SLC8A1: variants seen among roughly 807,000 people sequenced by gnomAD.
SLC8A1 encodes the protein solute carrier family 8 member A1, also known as sodium/calcium exchanger 1.
In SLC8A1, 18 loss-of-function variants were observed where a neutral mutation model predicts 68.3. The observed-to-expected ratio is 0.26, with a 90% CI of 0.18 to 0.39. The LOEUF (loss-of-function observed/expected upper bound fraction) is 0.39. SLC8A1 is among the 10% of genes least tolerant of loss of function. The pLI, the probability that SLC8A1 is intolerant of heterozygous loss-of-function variation, is 1.00. For missense variants in SLC8A1, 985 were observed against 1,156.7 expected (o/e 0.85, Z 2.15); for synonymous variants, 475 against 415.5 (o/e 1.14, Z -1.74).
chr2:40,155,429 C>G (rs1450930371), intron 6 of SLC8A1, among the ~76,000 whole-genome samples: 1 of 152,096 alleles, frequency 6.6e-6, no homozygotes, highest in Non-Finnish European at 1.5e-5. Flanking sequence ...GTGCCTGGCC[C>G]TAGCAGAATT....
At chr2:40,428,598 C>T (rs1281209869) in exon 2 of SLC8A1, 2 of 1,613,838 alleles carry the variant, frequency 1.2e-6, no homozygotes, top group Admixed American at 1.7e-5. Flanking sequence ...CAGATGTTCT[C>T]AATACTTTCA....
intron 2 of SLC8A1, among the ~76,000 whole-genome samples, chr2:40,420,382 A>G (rs948613746): frequency 6.6e-6 from 1 of 151,764 alleles, no homozygotes; most frequent in African/African-American, 2.4e-5. Context: ...ACAGACCAAG[A>G]AACTGCTATT....
chr2:40,175,324 A>AGAT (rs755540314), intron 3 of SLC8A1, 43 bp from the exon 4 acceptor site: 1 of 1,592,234 alleles, frequency 6.3e-7, no homozygotes, highest in South Asian at 1.1e-5. Flanking sequence ...ATAAGAGACC[A>AGAT]GATGAATAAT....
chr2:40,508,625 C>A (rs71441105), intron 1 of SLC8A1, among the ~76,000 whole-genome samples: 1 of 151,986 alleles, frequency 6.6e-6, no homozygotes, highest in Non-Finnish European at 1.5e-5. Context: ...ACATATCAAT[C>A]CTTTATTATA....
intron 2 of SLC8A1, among the ~76,000 whole-genome samples, chr2:40,349,064 G>A (rs1353568728): frequency 1.3e-5 from 2 of 152,148 alleles, no homozygotes; most frequent in Non-Finnish European, 2.9e-5. Flanking sequence ...AGCTTCAAGG[G>A]CTTCCTAGAC....
intron 1 of SLC8A1, among the ~76,000 whole-genome samples, chr2:40,444,760 T>C (rs898649990): frequency 1.3e-5 from 2 of 152,248 alleles, no homozygotes; most frequent in Admixed American, 1.3e-4. Flanking sequence ...TAACATTTTA[T>C]GGAACACAGC....
chr2:40,446,367 A>C (rs1701447001), intron 1 of SLC8A1: 1 of 152,182 alleles, frequency 6.6e-6, no homozygotes, highest in South Asian at 2.1e-4. Context: ...GGGACACAGA[A>C]CGGAATGAAA....
intron 2 of SLC8A1, among the ~76,000 whole-genome samples, chr2:40,203,665 T>TG (rs1472769812): frequency 1.3e-5 from 2 of 151,878 alleles, no homozygotes; most frequent in African/African-American, 4.8e-5. Context: ...TGCTAAAGGT[T>TG]GGGGGGATTA....
At chr2:40,233,675 C>T (rs1308436512) in intron 2 of SLC8A1, among the ~76,000 whole-genome samples, 1 of 143,468 alleles carries the variant, frequency 7.0e-6, no homozygotes, top group East Asian at 1.9e-4. Context: ...TTTGCCCATG[C>T]CTATGTCCTG....
At chr2:40,269,344 C>A (rs1279010972) in intron 2 of SLC8A1, among the ~76,000 whole-genome samples, 1 of 152,132 alleles carries the variant, frequency 6.6e-6, no homozygotes, top group Non-Finnish European at 1.5e-5. Context: ...CAGTACACTG[C>A]TTATTAGAAA....
At chr2:40,425,981 T>C (rs1696752706) in intron 2 of SLC8A1, among the ~76,000 whole-genome samples, 1 of 151,878 alleles carries the variant, frequency 6.6e-6, no homozygotes, top group African/African-American at 2.4e-5. Context: ...CAACATATCT[T>C]TGATAATATG....
chr2:40,183,027 C>T (rs1025822600), intron 2 of SLC8A1, among the ~76,000 whole-genome samples: 4 of 152,194 alleles, frequency 2.6e-5, no homozygotes, highest in African/African-American at 9.6e-5. Flanking sequence ...GGTTTACCCT[C>T]TCCTTAGATA....
At chr2:40,444,442 T>A (rs1490418513) in intron 1 of SLC8A1, among the ~76,000 whole-genome samples, 2 of 152,128 alleles carry the variant, frequency 1.3e-5, no homozygotes, top group African/African-American at 4.8e-5. Context: ...AACCCAAATA[T>A]CTCAGAAGTG....
At chr2:40,377,676 T>C (rs757953894) in intron 2 of SLC8A1, among the ~76,000 whole-genome samples, 8 of 152,052 alleles carry the variant, frequency 5.3e-5, no homozygotes, top group Non-Finnish European at 1.0e-4. Context: ...TCCACATACC[T>C]GGTCTTAGTC....
chr2:40,104,722 T>C (rs2034091830), exon 8 of SLC8A1: 1 of 152,180 alleles, frequency 6.6e-6, no homozygotes, highest in Non-Finnish European at 1.5e-5. Flanking sequence ...TTGCACAAAA[T>C]AAATGCTTGA....
In SLC8A1 at chr2:40,342,834, G is replaced by A. The variant is rs138842281; in HGVS notation, c.1808+85639C>T. Reference sequence around the variant, plus strand: ...TAAACAGATCACTCACTGCAAATATGAACAAACGTGAACTAAAATAGAGTA... The same window carrying A: ...TAAACAGATCACTCACTGCAAATATAAACAAACGTGAACTAAAATAGAGTA... On this transcript the variant is annotated intron_variant, in intron 2 of 7. Coordinates refer to ENST00000406785, the Ensembl canonical transcript of SLC8A1. Among the ~76,000 whole-genome samples, 9 of 152,232 alleles carry A rather than the reference G, an allele frequency of 5.9e-5. No homozygotes were observed. In the East Asian group the frequency reaches 1.5e-3, roughly 26 times the overall value.
intron 2 of SLC8A1, among the ~76,000 whole-genome samples, chr2:40,197,977 C>T (rs1244708370): frequency 6.6e-6 from 1 of 151,876 alleles, no homozygotes; most frequent in African/African-American, 2.4e-5. Context: ...GTTCTGGCAG[C>T]TCCCTATAGC....
intron 6 of SLC8A1, among the ~76,000 whole-genome samples, chr2:40,143,716 G>C (rs1457617174): frequency 6.6e-6 from 1 of 152,188 alleles, no homozygotes; most frequent in African/African-American, 2.4e-5. Context: ...ATGAGAGCAA[G>C]AGCATCATCA....
At chr2:40,178,256 T>G in intron 2 of SLC8A1, 131 bp downstream of exon 3, 115 of 724,686 alleles carry the variant, frequency 1.6e-4, no homozygotes, top group Middle Eastern at 3.8e-4. Context: ...TGGCTCAGCA[T>G]GAGATCTGTG....
Sources: gnomAD v4.1 joint callset for allele counts (sites outside exome capture counted in the v4.1 genomes callset) on GRCh38, gnomAD v4.1.1 for gene constraint, MANE v1.5 for transcripts, NCBI Gene and HGNC (gene_info 2026-07-23, HGNC 2026-07-21) for gene names.